The following PTPN3 variants were observed in gnomAD, a reference collection of about 807,000 sequenced individuals.
The protein encoded by PTPN3 is protein tyrosine phosphatase non-receptor type 3.
Under a neutral mutation model 132.7 loss-of-function variants are expected in PTPN3, and 96 were observed. The observed-to-expected ratio is 0.72, with a 90% CI of 0.61 to 0.86. PTPN3 has a LOEUF of 0.86. PTPN3 is among the 40% of genes least tolerant of loss of function. The pLI, the probability that PTPN3 is intolerant of heterozygous loss-of-function variation, is 0.00. For synonymous variants in PTPN3, 398 were observed against 429.0 expected, an observed-to-expected ratio of 0.93 and a Z score of 0.89; for missense variants, 1,125 against 1,159.6, an observed-to-expected ratio of 0.97 and a Z score of 0.43.
At chr9:109,415,876 G>C (rs1842449542) in intron 14 of PTPN3, among the ~76,000 whole-genome samples, 1 of 152,162 alleles carries the variant, frequency 6.6e-6, no homozygotes, top group Non-Finnish European at 1.5e-5. Flanking sequence ...AGCTGAGATT[G>C]GATCATATTG....
At chr9:109,477,674 G>A (rs1030889310) in intron 1 of PTPN3, among the ~76,000 whole-genome samples, 1 of 152,242 alleles carries the variant, frequency 6.6e-6, no homozygotes, top group African/African-American at 2.4e-5. Context: ...AGCAGCGGGA[G>A]GGCAGAAACA....
At position 109,383,493 on chromosome 9, in the gene PTPN3, T is replaced by C; in HGVS notation, c.2312A>G (p.His771Arg). 1 of 1,613,856 alleles carries C rather than the reference T, an allele frequency of 6.2e-7. No individual in the cohort carries two copies. Among genetic ancestry groups the C allele is most frequent in the Non-Finnish European group, 8.5e-7 (1 of 1,179,976 alleles). ...GCAGTCCTCTGACTGACACTGGATG[T>C]GAAAGCCGCCGTGGTTCATGACGTC... ...PPDVMNHGGF[H>R]IQCQSEDCTI... Residue 771 changes from histidine to arginine, a missense_variant, in exon 23 of 26, where the codon CAC becomes CGC. Coordinates refer to ENST00000374541, the MANE Select transcript of PTPN3 (RefSeq NM_002829.4).
intron 1 of PTPN3, among the ~76,000 whole-genome samples, chr9:109,471,158 G>C (rs1846361365): frequency 1.3e-5 from 2 of 151,910 alleles, no homozygotes; most frequent in Non-Finnish European, 2.9e-5. Flanking sequence ...CTGGGCTGAA[G>C]CAATTCTTGT....
chr9:109,486,718 C>T (rs899821539), intron 1 of PTPN3, among the ~76,000 whole-genome samples: 4 of 152,106 alleles, frequency 2.6e-5, no homozygotes, highest in African/African-American at 9.7e-5. Flanking sequence ...GGTTGTGTCC[C>T]CACACAAATC....
At chr9:109,444,481 C>G (rs1470554395) in intron 7 of PTPN3, among the ~76,000 whole-genome samples, 1 of 152,068 alleles carries the variant, frequency 6.6e-6, no homozygotes, top group Non-Finnish European at 1.5e-5. Context: ...GCGGTTAGTC[C>G]AAATTGAGAT....
intron 10 of PTPN3, 82 bp downstream of exon 10, chr9:109,432,991 T>A: frequency 6.5e-7 from 1 of 1,547,522 alleles, no homozygotes; most frequent in South Asian, 1.2e-5. Context: ...AAATAAACAT[T>A]TAGAATGGGA....
At chr9:109,426,598 G>A (rs1036795467) in intron 12 of PTPN3, among the ~76,000 whole-genome samples, 20 of 152,156 alleles carry the variant, frequency 1.3e-4, no homozygotes, top group Non-Finnish European at 2.6e-4. Flanking sequence ...CTGTGGGAGA[G>A]GCTGGCATAG....
At chr9:109,397,041 C>T (rs1287566372) in intron 19 of PTPN3, among the ~76,000 whole-genome samples, 3 of 151,920 alleles carry the variant, frequency 2.0e-5, no homozygotes, top group Admixed American at 6.6e-5. Context: ...GGCTGAGAAC[C>T]CAAGAAGGGG....
chr9:109,447,225 T>G (rs1197959883), intron 6 of PTPN3, among the ~76,000 whole-genome samples: 2 of 152,114 alleles, frequency 1.3e-5, no homozygotes, highest in Non-Finnish European at 2.9e-5. Context: ...AGACTAGAAG[T>G]TCCTGAGGAG....
the PTPN3 span, among the ~76,000 whole-genome samples, chr9:109,526,338 GT>G: frequency 0.51 from 76,499 of 148,892 alleles, 20,304 homozygotes; most frequent in East Asian, 0.84. Context: ...ATTTCAGCAA[GT>G]TTTTTTTTTT....
At chr9:109,445,834 A>G (rs1210485172) in intron 6 of PTPN3, among the ~76,000 whole-genome samples, 2 of 152,220 alleles carry the variant, frequency 1.3e-5, no homozygotes, top group Non-Finnish European at 2.9e-5. Flanking sequence ...ACTAATTACG[A>G]TGACTTAGGA....
At chr9:109,516,379 T>C in the PTPN3 span, among the ~76,000 whole-genome samples, 1 of 152,044 alleles carries the variant, frequency 6.6e-6, no homozygotes, top group Non-Finnish European at 1.5e-5. Flanking sequence ...TCCTGTCTGG[T>C]GGGTTAGAGA....
chr9:109,380,056 T>A (rs941851421), intron 25 of PTPN3, among the ~76,000 whole-genome samples: 7 of 152,104 alleles, frequency 4.6e-5, no homozygotes, highest in African/African-American at 1.4e-4. Context: ...GCACCTTGTG[T>A]TGGGGTAAGG....
At chr9:109,532,944 G>GTTT in the PTPN3 span, 247 of 312,078 alleles carry the variant, frequency 7.9e-4, no homozygotes, top group Non-Finnish European at 9.3e-4. Context: ...TCTTTTCTGG[G>GTTT]TTTTTTTTTT....
chr9:109,496,598 T>C (rs943686938), intron 1 of PTPN3, among the ~76,000 whole-genome samples: 6 of 152,226 alleles, frequency 3.9e-5, no homozygotes, highest in Non-Finnish European at 7.3e-5. Flanking sequence ...ATGTACTCTG[T>C]AAGTTCTATA....
the PTPN3 span, among the ~76,000 whole-genome samples, chr9:109,525,286 G>T: frequency 6.6e-6 from 1 of 152,110 alleles, no homozygotes; most frequent in Admixed American, 6.5e-5. Context: ...TTGAATCCCT[G>T]AGCTCAAGCG....
chr9:109,465,257 G>GTGGGAGGA (rs1437171582), intron 1 of PTPN3, among the ~76,000 whole-genome samples: 1 of 152,182 alleles, frequency 6.6e-6, no homozygotes, highest in African/African-American at 2.4e-5. Flanking sequence ...TATCACGTAG[G>GTGGGAGGA]TGGGAGGATC....
the PTPN3 span, among the ~76,000 whole-genome samples, chr9:109,506,498 T>C: frequency 6.8e-6 from 1 of 146,360 alleles, no homozygotes; most frequent in Non-Finnish European, 1.5e-5. Context: ...CTACCTACCT[T>C]CTTTCCTTCC....
chr9:109,379,431 G>T lies in PTPN3; in HGVS notation c.*125C>A. ...TTTTCTATAGAAGTTTAAAGTGCCT[G>T]GGTTCAGAGGTGCCCATTCCTTTCC... is the stretch of plus-strand genomic sequence containing the variant. On this transcript the variant is annotated 3_prime_UTR_variant, in exon 26 of 26. Coordinates refer to ENST00000374541, the MANE Select transcript of PTPN3 (RefSeq NM_002829.4). The T allele has an allele frequency of 1.3e-6, 1 of 771,930 alleles. No individual in the cohort carries two copies. 47.8% of individuals were successfully genotyped at this position (771,930 alleles called of 1,614,324 possible). A position where few individuals can be genotyped will look rare whatever the true frequency, so the allele number is the denominator to read the frequency against.
Sources: allele counts gnomAD v4.1 joint callset (sites outside exome capture counted in the v4.1 genomes callset), GRCh38; gene constraint gnomAD v4.1.1; transcripts MANE v1.5; gene names NCBI Gene and HGNC (gene_info 2026-07-23, HGNC 2026-07-21).